Variants in IFI44 observed in about 807,000 individuals in gnomAD.
The protein encoded by IFI44 is interferon induced protein 44.
In IFI44, 42 loss-of-function variants were observed where a neutral mutation model predicts 45.0. The ratio of observed to expected loss-of-function variants is 0.93; its 90% CI spans 0.73 to 1.21. The LOEUF (loss-of-function observed/expected upper bound fraction) is 1.21, where lower values mean the gene tolerates loss of function less well. IFI44 is among the 50% of genes most tolerant of loss of function. The probability of loss-of-function intolerance (pLI) is 0.00; values close to 1 mark genes in which losing one functional copy is unlikely to be tolerated. For missense variants in IFI44, 623 were observed against 525.8 expected, an observed-to-expected ratio of 1.18 and a Z score of -1.81; for synonymous variants, 221 against 188.6, an observed-to-expected ratio of 1.17 and a Z score of -1.41.
At position 78,655,063 on chromosome 1, in the gene IFI44, T is replaced by C; in HGVS notation, c.544T>C (p.Ser182Pro). 6.2e-7 allele frequency: 1 copy of C among 1,613,882 alleles called. No homozygotes were observed. Among genetic ancestry groups the C allele is most frequent in the Non-Finnish European group, 8.5e-7 (1 of 1,179,806 alleles). ...SALRTYEPYG[S>P]LVQQIRILLL... Reference sequence around the variant, plus strand: ...CTTGAGAACTTATGAACCATATGGATCCCTGGTTCAACAAATACGAATTCT... The same window carrying C: ...CTTGAGAACTTATGAACCATATGGACCCCTGGTTCAACAAATACGAATTCT... Residue 182 changes from serine (S) to proline (P), a missense_variant, in exon 4 of 9, where the codon TCC (serine) becomes CCC (proline). Transcript: ENST00000370747.
At chr1:78,652,608 C>T (rs1647142141) in intron 2 of IFI44, among the ~76,000 whole-genome samples, 1 of 152,184 alleles carries the variant, frequency 6.6e-6, no homozygotes, top group Non-Finnish European at 1.5e-5. Flanking sequence ...GCTTTAGCTC[C>T]TACCTTCCTA....
chr1:78,659,189 C>T, intron 5 of IFI44, 123 bp from the exon 6 acceptor site: 1 of 732,904 alleles, frequency 1.4e-6, no homozygotes. Context: ...GATTGTTAGC[C>T]TCATACTATT....
chr1:78,652,938 C>A (rs572317092), intron 2 of IFI44, among the ~76,000 whole-genome samples: 13 of 152,146 alleles, frequency 8.5e-5, no homozygotes, highest in Middle Eastern at 3.4e-3. Flanking sequence ...AAGTAGTGTA[C>A]AAAGGTCTCT....
At chr1:78,652,745 G>T (rs1243121631) in intron 2 of IFI44, among the ~76,000 whole-genome samples, 2 of 152,178 alleles carry the variant, frequency 1.3e-5, no homozygotes, top group African/African-American at 4.8e-5. Flanking sequence ...TTTCCAGTTT[G>T]GGGCTATTAC....
chr1:78,663,083 C>A (rs192481859), intron 8 of IFI44: 2 of 985,140 alleles, frequency 2.0e-6, no homozygotes, highest in Non-Finnish European at 2.4e-6. Context: ...AGAATCTGCA[C>A]TATGTTTTTC....
At chr1:78,661,044 G>A (rs1262643028) in intron 7 of IFI44, among the ~76,000 whole-genome samples, 2 of 152,062 alleles carry the variant, frequency 1.3e-5, no homozygotes, top group Non-Finnish European at 2.9e-5. Flanking sequence ...ACCTGTACAT[G>A]TTCAGTACAG....
At chr1:78,661,593 A>T (rs1647460357) in intron 7 of IFI44, among the ~76,000 whole-genome samples, 1 of 152,134 alleles carries the variant, frequency 6.6e-6, no homozygotes, top group African/African-American at 2.4e-5. Context: ...CCGCACTAAA[A>T]ATTTTACAAT....
chr1:78,656,033 T>C (rs1264942813), intron 5 of IFI44, among the ~76,000 whole-genome samples: 1 of 152,172 alleles, frequency 6.6e-6, no homozygotes, highest in African/African-American at 2.4e-5. Flanking sequence ...AGATGATCTC[T>C]TTCTGTCATG....
In IFI44 at chr1:78,659,297, A is replaced by G. The variant is rs771564179; in HGVS notation, c.841-15A>G. The G allele has an allele frequency of 1.9e-6, 3 of 1,594,740 alleles. No homozygotes were observed. Among genetic ancestry groups the G allele is most frequent in the East Asian group, 2.2e-5 (1 of 44,448 alleles). On this transcript the variant is annotated splice_polypyrimidine_tract_variant and intron_variant, in intron 5 of 8. Coordinates refer to ENST00000370747, the MANE Select transcript of IFI44 (RefSeq NM_006417.5). ...ATTTGTTGAATTAATATCTTGCTTT[A>G]TGTCTACCTTACAGTTTAATCCCAT...
At chr1:78,651,186 T>G (rs1393121500) in intron 2 of IFI44, among the ~76,000 whole-genome samples, 10 of 152,186 alleles carry the variant, frequency 6.6e-5, no homozygotes, top group Non-Finnish European at 1.3e-4. Context: ...ACATTTATTG[T>G]GCACTTTATT....
chr1:78,661,149 G>A (rs901273356), intron 7 of IFI44, among the ~76,000 whole-genome samples: 4 of 152,010 alleles, frequency 2.6e-5, no homozygotes, highest in East Asian at 1.9e-4. Context: ...TGCAACCTCC[G>A]CCTCCTGGGT....
At chr1:78,651,523 C>G (rs1010454890) in intron 2 of IFI44, among the ~76,000 whole-genome samples, 14 of 152,196 alleles carry the variant, frequency 9.2e-5, no homozygotes, top group Admixed American at 9.2e-4. Flanking sequence ...TCACGTCCTG[C>G]TCTGTGGCCT....
intron 2 of IFI44, among the ~76,000 whole-genome samples, 190 bp from the exon 3 acceptor site, chr1:78,654,053 A>G (rs1189439701): frequency 6.6e-6 from 1 of 152,176 alleles, no homozygotes; most frequent in African/African-American, 2.4e-5. Flanking sequence ...AGCCTCTTCA[A>G]ATGAGATGAT....
At chr1:78,661,110 TGGAGTGCAGTGGCATGATTTCG>T in intron 7 of IFI44, among the ~76,000 whole-genome samples, 1 of 152,310 alleles carries the variant, frequency 6.6e-6, no homozygotes, top group African/African-American at 2.4e-5. Flanking sequence ...TTGCCCAGGC[TGGAGTGCAGTGGCATGATTTCG>T]GCTCACTGCA....
chr1:78,649,968 G>T (rs1647094124), intron 1 of IFI44, 63 bp downstream of exon 1: 3 of 393,262 alleles, frequency 7.6e-6, no homozygotes, highest in Admixed American at 8.3e-5. Context: ...TCTCTCTCAG[G>T]TGACAGTGTC....
rs149042991 is a variant in IFI44 at position 78,659,469 on chromosome 1, A to C, written c.998A>C (p.Glu333Ala). ...MIVKIKRIRR[E>A]LVNAGVVHVA... is the part of the protein sequence containing the mutation. ...GTAAAGATCAAAAGAATTCGAAGGG[A>C]GTTGGTAAACGCTGGTGAGTCTCAT... Residue 333 changes from glutamate (E) to alanine (A), a missense_variant, in exon 6 of 9, where the codon GAG becomes GCG. Glu to Ala is a moderately radical substitution (Grantham distance 107). Coordinates refer to ENST00000370747, the MANE Select transcript of IFI44 (RefSeq NM_006417.5). 1,015 of 1,612,470 alleles carry C rather than the reference A, an allele frequency of 6.3e-4. 1 individual carries two copies. The highest frequency in any genetic ancestry group is 8.2e-4 in the Non-Finnish European group (965 of 1,178,892).
intron 3 of IFI44, among the ~76,000 whole-genome samples, chr1:78,654,716 A>G (rs757187524): frequency 4.6e-5 from 7 of 151,888 alleles, no homozygotes; most frequent in Non-Finnish European, 1.0e-4. Flanking sequence ...TGACTTCTGA[A>G]GTTTAGTCTT....
Position 78,663,833 on chromosome 1 carries a change from A to G in IFI44, c.*22A>G. 6.2e-7 allele frequency: 1 copy of G among 1,607,878 alleles called. No individual in the cohort carries two copies. The highest frequency in any genetic ancestry group is 8.5e-7 in the Non-Finnish European group (1 of 1,176,530). ...ATAGATATGTGAAAGGTTCACGTAAATTTCCTCACATCACAGAAGATTAAA... is the reference window on the plus strand; with the variant it reads ...ATAGATATGTGAAAGGTTCACGTAAGTTTCCTCACATCACAGAAGATTAAA... On this transcript the variant is annotated 3_prime_UTR_variant, in exon 9 of 9. Transcript: ENST00000370747.
chr1:78,650,253 G>A lies in IFI44; in HGVS notation c.58G>A (p.Gly20Arg), dbSNP rs758343040. 9.9e-6 allele frequency: 16 copies of A among 1,611,986 alleles called. No individual in the cohort carries two copies. The highest frequency in any genetic ancestry group is 2.2e-5 in the East Asian group (1 of 44,774). ...LHEKILQNHF[G>R]GKRLSLLYKG... The stretch of plus-strand genomic sequence containing the variant: ...CGAAAAGATCCTGCAAAATCATTTT[G>A]GAGGGAAGCGGCTTAGCCTTCTCTA... Residue 20 changes from glycine (G) to arginine (R), a missense_variant, in exon 2 of 9, where the codon GGA (glycine) becomes AGA (arginine). Coordinates refer to ENST00000370747, the MANE Select transcript of IFI44 (RefSeq NM_006417.5).
Sources: gnomAD v4.1 joint callset for allele counts (sites outside exome capture counted in the v4.1 genomes callset) on GRCh38, gnomAD v4.1.1 for gene constraint, MANE v1.5 for transcripts, NCBI Gene and HGNC (gene_info 2026-07-23, HGNC 2026-07-21) for gene names.